OSBPL6: variants seen among roughly 807,000 people sequenced by gnomAD.
The protein encoded by OSBPL6 is oxysterol-binding protein-related protein 6.
Under a neutral mutation model 125.8 loss-of-function variants are expected in OSBPL6, and 49 were observed. The ratio of observed to expected loss-of-function variants is 0.39; its 90% CI spans 0.31 to 0.49. OSBPL6 has a LOEUF of 0.49. Among genes scored for constraint, OSBPL6 ranks in the 20% least tolerant of loss-of-function variants. OSBPL6 has a pLI of 0.88. For synonymous variants in OSBPL6, 394 were observed against 391.8 expected, an observed-to-expected ratio of 1.01 and a Z score of -0.07; for missense variants, 986 against 1,135.4, an observed-to-expected ratio of 0.87 and a Z score of 1.89.
chr2:178,304,679 G>T (rs13386703), intron 2 of OSBPL6, among the ~76,000 whole-genome samples: 1 of 152,082 alleles, frequency 6.6e-6, no homozygotes, highest in Non-Finnish European at 1.5e-5. Context: ...ATACTGTTGC[G>T]TTGGGGTTAG....
chr2:178,350,319 A>C (rs1691136278), intron 12 of OSBPL6, among the ~76,000 whole-genome samples: 1 of 152,194 alleles, frequency 6.6e-6, no homozygotes, highest in Admixed American at 6.5e-5. Flanking sequence ...TCAGCCACTC[A>C]AGTTTGTTCT....
intron 1 of OSBPL6, among the ~76,000 whole-genome samples, chr2:178,238,188 T>C (rs2091139902): frequency 1.3e-5 from 2 of 152,234 alleles, no homozygotes; most frequent in Admixed American, 1.3e-4. Flanking sequence ...GGTCTGAACA[T>C]ATTATATGGA....
At chr2:178,241,132 C>T (rs567801837) in intron 1 of OSBPL6, among the ~76,000 whole-genome samples, 33 of 151,448 alleles carry the variant, frequency 2.2e-4, no homozygotes, top group Middle Eastern at 6.9e-3. Context: ...TTCATATTCA[C>T]GGTAGAAATT....
chr2:178,394,576 T>C (rs1340560055), intron 24 of OSBPL6, 141 bp downstream of exon 24: 4 of 1,134,344 alleles, frequency 3.5e-6, no homozygotes, highest in Non-Finnish European at 3.7e-6. Flanking sequence ...TTGAATCGAT[T>C]TTGCACTTAT....
chr2:178,212,896 C>T (rs985935297), intron 1 of OSBPL6, among the ~76,000 whole-genome samples: 9 of 151,996 alleles, frequency 5.9e-5, no homozygotes, highest in Admixed American at 3.3e-4. Flanking sequence ...CAACCTCCAC[C>T]TCCCGGGTTC....
At chr2:178,354,743 G>A (rs113198116) in intron 12 of OSBPL6, among the ~76,000 whole-genome samples, 33,630 of 152,044 alleles carry the variant, frequency 0.22, 3,883 homozygotes, top group Admixed American at 0.29. Context: ...AGACCTAATA[G>A]ACATCTACAG....
chr2:178,245,999 A>G (rs2091475055), intron 1 of OSBPL6, among the ~76,000 whole-genome samples: 1 of 151,860 alleles, frequency 6.6e-6, no homozygotes, highest in Non-Finnish European at 1.5e-5. Context: ...TCTGTAAAAG[A>G]CCCCGGAAGC....
chr2:178,208,416 C>T (rs2089653979), intron 1 of OSBPL6, among the ~76,000 whole-genome samples: 2 of 152,270 alleles, frequency 1.3e-5, no homozygotes, highest in South Asian at 2.1e-4. Context: ...GTTATTACCT[C>T]TTAAATTAGA....
intron 11 of OSBPL6, among the ~76,000 whole-genome samples, chr2:178,346,593 G>A (rs973082066): frequency 6.6e-6 from 1 of 152,028 alleles, no homozygotes; most frequent in African/African-American, 2.4e-5. Flanking sequence ...TCCTGCGCAG[G>A]GTAGAAAGGC....
chr2:178,369,380 C>A (rs566755723), intron 13 of OSBPL6, among the ~76,000 whole-genome samples: 1 of 152,166 alleles, frequency 6.6e-6, no homozygotes, highest in East Asian at 1.9e-4. Flanking sequence ...TCAGAAAATC[C>A]CCAAACCCAG....
rs2089863445 is a variant in OSBPL6, at chr2:178,211,566, C to T, written c.-351+16892C>T. Among the ~76,000 whole-genome samples the T allele has an allele frequency of 4.6e-5, 7 of 152,186 alleles. No individual in the cohort carries two copies. In the South Asian group the frequency reaches 1.4e-3, roughly 31 times the overall value. On this transcript the variant is annotated intron_variant, in intron 1 of 24. Transcript: ENST00000190611. ...TTGCTCCTTATTTCCTGACCTCAGC[C>T]AGATGCCATTTTGATAGGGATGCCT...
At chr2:178,226,752 G>A (rs571847849) in intron 1 of OSBPL6, among the ~76,000 whole-genome samples, 1 of 152,238 alleles carries the variant, frequency 6.6e-6, no homozygotes, top group East Asian at 1.9e-4. Context: ...GAAGGAAAAT[G>A]TTAAGACTTT....
intron 1 of OSBPL6, among the ~76,000 whole-genome samples, chr2:178,250,651 T>A (rs1388270438): frequency 6.6e-6 from 1 of 152,144 alleles, no homozygotes; most frequent in Non-Finnish European, 1.5e-5. Flanking sequence ...CCTGAAACAC[T>A]CCTGGGCTCC....
intron 18 of OSBPL6, 123 bp from the exon 19 acceptor site, chr2:178,385,334 GT>G: frequency 1.5e-6 from 1 of 668,676 alleles, no homozygotes. Flanking sequence ...AGTTCTCAGT[GT>G]TTTTAAAGCA....
chr2:178,342,128 A>G (rs901242836), intron 11 of OSBPL6, among the ~76,000 whole-genome samples: 5 of 152,154 alleles, frequency 3.3e-5, no homozygotes, highest in Non-Finnish European at 5.9e-5. Flanking sequence ...TTTTGAGTCA[A>G]TGATCATCTC....
At position 178,336,461 on chromosome 2, in the gene OSBPL6, A is replaced by G. The variant is rs376850758; in HGVS notation, c.790+28A>G. On this transcript the variant is annotated intron_variant, in intron 9 of 24. Transcript: ENST00000190611. ...TAGTTCTTGCCCAGTGTGGCCTGAG[A>G]GTAAGCCAAAACCAAACAAGAAACA... 45 of 1,609,172 alleles carry G rather than the reference A, an allele frequency of 2.8e-5. No individual in the cohort carries two copies. The African/African-American group carries it at 4.8e-4, about 17-fold the overall frequency.
At chr2:178,392,765 G>A (rs1426472613) in intron 23 of OSBPL6, among the ~76,000 whole-genome samples, 4 of 151,722 alleles carry the variant, frequency 2.6e-5, no homozygotes, top group South Asian at 2.1e-4. Context: ...GGAGGCTGAC[G>A]TGGGAGGATC....
intron 1 of OSBPL6, among the ~76,000 whole-genome samples, chr2:178,267,566 T>C (rs1287224791): frequency 6.6e-6 from 1 of 152,056 alleles, no homozygotes; most frequent in Non-Finnish European, 1.5e-5. Context: ...TTCTAGTAAG[T>C]GATTTTCAGG....
intron 2 of OSBPL6, among the ~76,000 whole-genome samples, chr2:178,294,852 T>G (rs1019316073): frequency 2.1e-5 from 3 of 145,530 alleles, no homozygotes; most frequent in African/African-American, 7.7e-5. Context: ...AACATGTGCA[T>G]TACCTCACCA....
Sources: allele counts gnomAD v4.1 joint callset (sites outside exome capture counted in the v4.1 genomes callset), GRCh38; gene constraint gnomAD v4.1.1; transcripts MANE v1.5; gene names NCBI Gene and HGNC (gene_info 2026-07-23, HGNC 2026-07-21).